SPPL2A: variants seen among roughly 807,000 people sequenced by gnomAD.
SPPL2A encodes signal peptide peptidase-like 2A.
A neutral mutation model predicts 63.8 loss-of-function variants in SPPL2A; 51 were observed. That is an observed-to-expected ratio of 0.80 (90% CI 0.64 to 1.01). The LOEUF is 1.01. Among genes scored for constraint, SPPL2A ranks in the 50% least tolerant of loss-of-function variants. The pLI is 0.00. For missense variants in SPPL2A, 553 were observed against 622.7 expected, an observed-to-expected ratio of 0.89 and a Z score of 1.19; for synonymous variants, 188 against 205.8, an observed-to-expected ratio of 0.91 and a Z score of 0.74.
intron 4 of SPPL2A, chr15:50,747,899 A>C (rs550274377): frequency 7.0e-5 from 32 of 460,326 alleles, no homozygotes; most frequent in Non-Finnish European, 1.1e-4. Context: ...GAGATTTTTA[A>C]AGAACTGAAA....
intron 9 of SPPL2A, among the ~76,000 whole-genome samples, chr15:50,731,986 G>A (rs1351858831): frequency 2.0e-5 from 3 of 151,176 alleles, no homozygotes. Context: ...GGGTGCAGTG[G>A]CTCATGCCTG....
chr15:50,748,256 A>T, intron 3 of SPPL2A, 54 bp from the exon 4 acceptor site: 1 of 656,208 alleles, frequency 1.5e-6, no homozygotes, highest in Non-Finnish European at 2.4e-6. Context: ...TTTATAGAAT[A>T]AAATACTATT....
In SPPL2A at chr15:50,747,617, AT is replaced by A. The variant is rs1567163921; in HGVS notation, c.461del (p.Asp154ValfsTer5). On this transcript the variant is annotated frameshift_variant, in exon 5 of 15. Transcript: ENST00000261854. LOFTEE classifies it high-confidence loss of function. The part of the protein sequence containing the change: ...DFRDMNQTLG[D>X]NITVKMYSPS... Reference sequence around the variant, plus strand: ...GAGAATACATTTTCACAGTAATGTTATCTCCTAGAGTCTGAAAGGCAAAATA... The same window carrying A: ...GAGAATACATTTTCACAGTAATGTTACTCCTAGAGTCTGAAAGGCAAAATA... The A allele has an allele frequency of 6.2e-7, 1 of 1,607,612 alleles. No individual in the cohort carries two copies. Among genetic ancestry groups the A allele is most frequent in the Admixed American group, 1.7e-5 (1 of 58,520 alleles).
intron 14 of SPPL2A, among the ~76,000 whole-genome samples, chr15:50,710,735 A>G (rs911743535): frequency 2.0e-5 from 3 of 152,204 alleles, no homozygotes; most frequent in African/African-American, 7.2e-5. Flanking sequence ...ACTAAAGCAG[A>G]GTTGTTCTAA....
chr15:50,733,896 G>A (rs532365301), intron 8 of SPPL2A, among the ~76,000 whole-genome samples: 4 of 151,798 alleles, frequency 2.6e-5, no homozygotes, highest in African/African-American at 9.7e-5. Flanking sequence ...ATAACCAACA[G>A]ATATATGAAA....
At chr15:50,708,816 G>A (rs1035645890) in intron 14 of SPPL2A, among the ~76,000 whole-genome samples, 15 of 151,932 alleles carry the variant, frequency 9.9e-5, no homozygotes, top group African/African-American at 2.9e-4. Flanking sequence ...GGTGGATCAC[G>A]AGATCAGGAG....
intron 14 of SPPL2A, among the ~76,000 whole-genome samples, chr15:50,716,334 A>G (rs1292486826): frequency 6.6e-6 from 1 of 152,098 alleles, no homozygotes; most frequent in Non-Finnish European, 1.5e-5. Flanking sequence ...AGCTGGGATT[A>G]CAAGTATGTG....
chr15:50,705,800 A>C lies in SPPL2A; in HGVS notation c.*2000T>G, dbSNP rs1382030735. Reference sequence around the variant, plus strand: ...TATCAAAGGTCTGATCAATTTTAAAAGGCATTAGTTTTATTTTTAATAAAT... The same window carrying C: ...TATCAAAGGTCTGATCAATTTTAAACGGCATTAGTTTTATTTTTAATAAAT... On this transcript the variant is annotated 3_prime_UTR_variant, in exon 15 of 15. Coordinates refer to ENST00000261854, the MANE Select transcript of SPPL2A (RefSeq NM_032802.4). The C allele has an allele frequency of 6.6e-6, 1 of 152,244 alleles. No homozygotes were observed. Among genetic ancestry groups the C allele is most frequent in the Non-Finnish European group, 1.5e-5 (1 of 68,042 alleles). The allele number at this position is 152,244 out of a possible 1,614,324, so 9.4% of individuals were successfully genotyped here. A position where few individuals can be genotyped will look rare whatever the true frequency, so the allele number is the denominator to read the frequency against.
chr15:50,736,630 TAA>T lies in SPPL2A; in HGVS notation c.830+12_830+13del, dbSNP rs752331461. The T allele has an allele frequency of 5.5e-5, 77 of 1,406,206 alleles. No individual in the cohort carries two copies. Among genetic ancestry groups the T allele is most frequent in the Non-Finnish European group, 6.8e-5 (68 of 1,004,438 alleles). 87.1% of individuals were successfully genotyped at this position (1,406,206 alleles called of 1,614,324 possible). A position where few individuals can be genotyped will look rare whatever the true frequency, so the allele number is the denominator to read the frequency against. ...AACACCAACATTATAAGATTTCCTGTAAGAGATACGTACGTGCATTGTCCATA... is the reference window on the plus strand; with the variant it reads ...AACACCAACATTATAAGATTTCCTGTGAGATACGTACGTGCATTGTCCATA... On this transcript the variant is annotated intron_variant, in intron 7 of 14. Coordinates refer to ENST00000261854, the MANE Select transcript of SPPL2A (RefSeq NM_032802.4).
At chr15:50,747,925 A>G in intron 4 of SPPL2A, 188 bp downstream of exon 4, 1 of 459,826 alleles carries the variant, frequency 2.2e-6, no homozygotes, top group Non-Finnish European at 3.9e-6. Flanking sequence ...CATCCTTTCT[A>G]AAGTTTAGGC....
At position 50,704,453 on chromosome 15, in the gene SPPL2A, C is replaced by A. The variant is rs1221377185; in HGVS notation, c.*3347G>T. ...TTATTTTTGCTAAACTAAACTGAGA[C>A]AAAAGTAATCTACATTACAATTTGA... On this transcript the variant is annotated 3_prime_UTR_variant, in exon 15 of 15. Transcript: ENST00000261854. 2.0e-5 allele frequency: 3 copies of A among 150,212 alleles called. No individual in the cohort carries two copies. Among genetic ancestry groups the A allele is most frequent in the Non-Finnish European group, 3.0e-5 (2 of 67,760 alleles). 9.3% of individuals were successfully genotyped at this position (150,212 alleles called of 1,614,324 possible). A position where few individuals can be genotyped will look rare whatever the true frequency, so the allele number is the denominator to read the frequency against.
At chr15:50,738,421 C>T (rs569958259) in intron 6 of SPPL2A, among the ~76,000 whole-genome samples, 2 of 151,192 alleles carry the variant, frequency 1.3e-5, no homozygotes, top group African/African-American at 4.9e-5. Flanking sequence ...CAGTGGCGCA[C>T]ACCTGTAATC....
intron 1 of SPPL2A, among the ~76,000 whole-genome samples, chr15:50,759,604 AT>A (rs1341183936): frequency 6.6e-6 from 1 of 152,084 alleles, no homozygotes; most frequent in Admixed American, 6.5e-5. Context: ...TTAGCCGGGC[AT>A]GGTGGCGGGT....
In SPPL2A at chr15:50,765,666, T is replaced by C. The variant is rs1421952843; in HGVS notation, c.-133A>G. 4.1e-6 allele frequency: 2 copies of C among 490,700 alleles called. No homozygotes were observed. Among genetic ancestry groups the C allele is most frequent in the Admixed American group, 4.5e-5 (1 of 22,396 alleles). The allele number at this position is 490,700 out of a possible 1,614,324, so 30.4% of individuals were successfully genotyped here. A position where few individuals can be genotyped will look rare whatever the true frequency, so the allele number is the denominator to read the frequency against. On this transcript the variant is annotated 5_prime_UTR_variant, in exon 1 of 15. Transcript: ENST00000261854. ...CAGGCGCGGGCGGCCGGGCTACGAC[T>C]GGACCGCCGCTGCTACAGCGGCCGC...
chr15:50,713,997 T>C (rs2062580407), intron 14 of SPPL2A, among the ~76,000 whole-genome samples: 1 of 152,192 alleles, frequency 6.6e-6, no homozygotes, highest in South Asian at 2.1e-4. Context: ...GCTAAGCAAC[T>C]TGCCCAAGGC....
intron 1 of SPPL2A, among the ~76,000 whole-genome samples, chr15:50,753,863 C>T (rs1162855451): frequency 6.6e-6 from 1 of 152,028 alleles, no homozygotes; most frequent in Non-Finnish European, 1.5e-5. Flanking sequence ...ATGGCGTGAT[C>T]TCGGCTCACT....
At chr15:50,712,602 C>A (rs2062567324) in intron 14 of SPPL2A, among the ~76,000 whole-genome samples, 1 of 151,804 alleles carries the variant, frequency 6.6e-6, no homozygotes, top group Admixed American at 6.6e-5. Context: ...TCACACCAAG[C>A]CTTAAGCTAA....
At chr15:50,742,965 G>A (rs1343567993) in intron 5 of SPPL2A, 1 of 152,180 alleles carries the variant, frequency 6.6e-6, no homozygotes, top group African/African-American at 2.4e-5. Flanking sequence ...TAAATTACTT[G>A]GGAGTTGTTA....
chr15:50,736,027 TCATAA>T lies in SPPL2A; in HGVS notation c.932+69_932+73del, dbSNP rs1470628113. 4 of 945,614 alleles carry T rather than the reference TCATAA, an allele frequency of 4.2e-6. No individual in the cohort carries two copies. In the African/African-American group the frequency reaches 6.6e-5, roughly 16 times the overall value. 58.6% of individuals were successfully genotyped at this position (945,614 alleles called of 1,614,324 possible). ...TAGAAGCAAAAAAATTCCATAATAA[TCATAA>T]TAAGTATCAGGGCAAGATAGGAAAC... On this transcript the variant is annotated intron_variant, in intron 8 of 14. Coordinates refer to ENST00000261854, the MANE Select transcript of SPPL2A (RefSeq NM_032802.4).
Sources: gnomAD v4.1 joint callset for allele counts (sites outside exome capture counted in the v4.1 genomes callset) on GRCh38, gnomAD v4.1.1 for gene constraint, MANE v1.5 for transcripts, NCBI Gene and HGNC (gene_info 2026-07-23, HGNC 2026-07-21) for gene names.